The following SRGAP3 variants were observed in gnomAD, a reference collection of about 807,000 sequenced individuals.
The protein encoded by SRGAP3 is SLIT-ROBO Rho GTPase-activating protein 3.
A neutral mutation model predicts 121.1 loss-of-function variants in SRGAP3; 39 were observed. That is an observed-to-expected ratio of 0.32 (90% confidence interval 0.25 to 0.42). The LOEUF (loss-of-function observed/expected upper bound fraction) is 0.42. SRGAP3 is among the 10% of genes least tolerant of loss of function. SRGAP3 has a pLI of 1.00. For synonymous variants in SRGAP3, 601 were observed against 570.0 expected, an observed-to-expected ratio of 1.05 and a Z score of -0.77; for missense variants, 1,213 against 1,470.6, an observed-to-expected ratio of 0.82 and a Z score of 2.86.
At chr3:8,988,852 G>A (rs1389697870) in intron 21 of SRGAP3, among the ~76,000 whole-genome samples, 2 of 152,120 alleles carry the variant, frequency 1.3e-5, no homozygotes, top group East Asian at 1.9e-4. Flanking sequence ...CAGGGTTCAC[G>A]GCCTGTGAAG....
intron 1 of SRGAP3, among the ~76,000 whole-genome samples, chr3:9,130,825 A>G (rs1949417345): frequency 6.6e-6 from 1 of 152,256 alleles, no homozygotes; most frequent in South Asian, 2.1e-4. Flanking sequence ...CATTATCAGG[A>G]GATGACATTC....
At chr3:9,052,005 G>A (rs368534353) in intron 9 of SRGAP3, among the ~76,000 whole-genome samples, 54 of 152,310 alleles carry the variant, frequency 3.5e-4, no homozygotes, top group African/African-American at 1.2e-3. Flanking sequence ...AAGCCACGGT[G>A]CCCGGCCAAT....
intron 2 of SRGAP3, among the ~76,000 whole-genome samples, chr3:9,123,603 G>A (rs1427597919): frequency 6.6e-6 from 1 of 151,836 alleles, no homozygotes; most frequent in East Asian, 1.9e-4. Flanking sequence ...TACTCAGGAG[G>A]CTGAGGCAGG....
intron 1 of SRGAP3, among the ~76,000 whole-genome samples, chr3:9,223,881 T>C (rs1952898721): frequency 6.6e-6 from 1 of 152,208 alleles, no homozygotes; most frequent in Non-Finnish European, 1.5e-5. Flanking sequence ...TTTGTTTCCA[T>C]TAAAGAACAT....
intron 9 of SRGAP3, among the ~76,000 whole-genome samples, chr3:9,051,670 A>G (rs1945583168): frequency 6.6e-6 from 1 of 151,214 alleles, no homozygotes; most frequent in African/African-American, 2.4e-5. Flanking sequence ...GAATAGGAGC[A>G]TAGTACCCGG....
intron 3 of SRGAP3, among the ~76,000 whole-genome samples, chr3:9,286,409 C>A (rs973270065): frequency 6.6e-6 from 1 of 151,830 alleles, no homozygotes; most frequent in Non-Finnish European, 1.5e-5. Flanking sequence ...ACCTATAATC[C>A]CTGAACTTTG....
chr3:9,028,134 A>T (rs762413956), intron 12 of SRGAP3: 1 of 1,614,216 alleles, frequency 6.2e-7, no homozygotes, highest in Admixed American at 1.7e-5. Flanking sequence ...TCTTCCTCTG[A>T]TAACAAAAAA....
chr3:9,138,257 T>C (rs1442084351), intron 1 of SRGAP3, among the ~76,000 whole-genome samples: 3 of 152,240 alleles, frequency 2.0e-5, no homozygotes, highest in Non-Finnish European at 2.9e-5. Context: ...CCTGGGATGC[T>C]TTATGGTACC....
chr3:9,056,828 A>G (rs975339285), intron 7 of SRGAP3, among the ~76,000 whole-genome samples: 2 of 152,054 alleles, frequency 1.3e-5, no homozygotes, highest in African/African-American at 4.8e-5. Flanking sequence ...TCCCCCAGCA[A>G]TTGACTGGGC....
At chr3:9,247,399 G>A (rs1407347167) in intron 1 of SRGAP3, among the ~76,000 whole-genome samples, 2 of 152,126 alleles carry the variant, frequency 1.3e-5, no homozygotes, top group Non-Finnish European at 2.9e-5. Context: ...CTTGCCCTAG[G>A]ATATGCCCAG....
intron 8 of SRGAP3, among the ~76,000 whole-genome samples, chr3:9,054,842 T>C (rs1460871244): frequency 6.6e-6 from 1 of 152,240 alleles, no homozygotes; most frequent in Non-Finnish European, 1.5e-5. Flanking sequence ...CTATAAATAC[T>C]TGAATAAATA....
intron 3 of SRGAP3, among the ~76,000 whole-genome samples, chr3:9,312,518 C>G (rs1348501431): frequency 6.6e-6 from 1 of 152,346 alleles, no homozygotes; most frequent in East Asian, 1.9e-4. Context: ...TAGCCACATG[C>G]TCAGGCCTTC....
intron 1 of SRGAP3, among the ~76,000 whole-genome samples, chr3:9,345,785 CAA>C (rs34225108): frequency 1.1e-4 from 7 of 65,258 alleles, no homozygotes; most frequent in Admixed American, 1.7e-4. Flanking sequence ...GACTCCAACT[CAA>C]AAAAAAAAAA....
rs1943499677 is a variant in SRGAP3 at position 9,013,925 on chromosome 3, T to C, written c.1814-83A>G. The C allele has an allele frequency of 7.8e-6, 10 of 1,283,144 alleles. No homozygotes were observed. The South Asian group carries it at 1.1e-4, about 14-fold the overall frequency. The allele number at this position is 1,283,144 out of a possible 1,614,324, so 79.5% of individuals were successfully genotyped here. A position where few individuals can be genotyped will look rare whatever the true frequency, so the allele number is the denominator to read the frequency against. The stretch of plus-strand genomic sequence containing the variant: ...ACATTCGCTCGCCACATCTCCTATA[T>C]CAACCCACGTGGATGGGGGAGCCAG... On this transcript the variant is annotated intron_variant, in intron 15 of 21. Coordinates refer to ENST00000383836, the MANE Select transcript of SRGAP3 (RefSeq NM_014850.4).
intron 18 of SRGAP3, among the ~76,000 whole-genome samples, chr3:8,997,356 C>A (rs1942465540): frequency 6.6e-6 from 1 of 152,214 alleles, no homozygotes; most frequent in African/African-American, 2.4e-5. Flanking sequence ...CCATGGCTCA[C>A]CACCTCCCAT....
At chr3:9,129,032 T>A (rs573739065) in intron 1 of SRGAP3, among the ~76,000 whole-genome samples, 2 of 152,326 alleles carry the variant, frequency 1.3e-5, no homozygotes, top group South Asian at 2.1e-4. Context: ...TTCTACTACA[T>A]CAAAGTGAGG....
At chr3:9,155,104 A>T (rs935021076) in intron 1 of SRGAP3, among the ~76,000 whole-genome samples, 1 of 151,596 alleles carries the variant, frequency 6.6e-6, no homozygotes, top group Non-Finnish European at 1.5e-5. Flanking sequence ...GGTGTGTATT[A>T]AAGTGTCTTC....
Position 8,981,581 on chromosome 3 carries a change from T to C in SRGAP3, c.*3938A>G, listed in dbSNP as rs1010915510. 2.1e-5 allele frequency: 5 copies of C among 232,836 alleles called. No individual in the cohort carries two copies. The highest frequency in any genetic ancestry group is 8.8e-5 in the African/African-American group (4 of 45,284). 14.4% of individuals were successfully genotyped at this position (232,836 alleles called of 1,614,324 possible). A position where few individuals can be genotyped will look rare whatever the true frequency, so the allele number is the denominator to read the frequency against. ...ACGAGAAGTCCTCCACATTCGTGCC[T>C]CCTGAATGACAGAGAAATATACCCA... On this transcript the variant is annotated 3_prime_UTR_variant, in exon 22 of 22. Coordinates refer to ENST00000383836, the MANE Select transcript of SRGAP3 (RefSeq NM_014850.4).
At chr3:9,202,245 C>T (rs541424744) in intron 1 of SRGAP3, among the ~76,000 whole-genome samples, 1 of 152,284 alleles carries the variant, frequency 6.6e-6, no homozygotes, top group South Asian at 2.1e-4. Flanking sequence ...GCCCTTGAGG[C>T]AGTTGGACTG....
Sources: gnomAD v4.1 joint callset for allele counts (sites outside exome capture counted in the v4.1 genomes callset) on GRCh38, gnomAD v4.1.1 for gene constraint, MANE v1.5 for transcripts, NCBI Gene and HGNC (gene_info 2026-07-23, HGNC 2026-07-21) for gene names.